XKR4: variants seen among roughly 807,000 people sequenced by gnomAD.
XKR4 encodes the protein XK-related protein 4.
In XKR4, 12 loss-of-function variants were observed where a neutral mutation model predicts 53.9. The ratio of observed to expected loss-of-function variants is 0.22; its 90% CI spans 0.14 to 0.36. The LOEUF is 0.36. XKR4 is among the 10% of genes least tolerant of loss of function. The pLI is 1.00. For missense variants in XKR4, 799 were observed against 859.5 expected (o/e 0.93, Z 0.88); for synonymous variants, 354 against 362.4 (o/e 0.98, Z 0.26).
chr8:55,392,917 G>T (rs929312639), intron 2 of XKR4, among the ~76,000 whole-genome samples: 1 of 152,124 alleles, frequency 6.6e-6, no homozygotes, highest in African/African-American at 2.4e-5. Context: ...GCAATTAAAA[G>T]TTAAGAAGTA....
At chr8:55,342,408 G>C (rs1246657439) in intron 1 of XKR4, among the ~76,000 whole-genome samples, 1 of 152,122 alleles carries the variant, frequency 6.6e-6, no homozygotes, top group Non-Finnish European at 1.5e-5. Context: ...CAGCACAGCT[G>C]CTGGAAGTCC....
intron 1 of XKR4, among the ~76,000 whole-genome samples, chr8:55,151,987 T>C (rs1816846352): frequency 6.6e-6 from 1 of 152,172 alleles, no homozygotes; most frequent in African/African-American, 2.4e-5. Context: ...TTCCTAGAAA[T>C]GTAATTGCTG....
chr8:55,376,975 C>CACACAG (rs1554521135), intron 2 of XKR4, among the ~76,000 whole-genome samples: 2 of 151,290 alleles, frequency 1.3e-5, no homozygotes, highest in Non-Finnish European at 2.9e-5. Context: ...CACACACACA[C>CACACAG]AGAGAGAGAG....
intron 2 of XKR4, among the ~76,000 whole-genome samples, chr8:55,430,893 G>A (rs1438026532): frequency 2.6e-5 from 4 of 152,168 alleles, no homozygotes; most frequent in Non-Finnish European, 4.4e-5. Context: ...TAAAGCCTCA[G>A]GCTTCAAATA....
At chr8:55,242,338 C>G (rs1437132920) in intron 1 of XKR4, among the ~76,000 whole-genome samples, 1 of 152,134 alleles carries the variant, frequency 6.6e-6, no homozygotes, top group African/African-American at 2.4e-5. Context: ...CTGGTGGGAA[C>G]CCGTCTACAG....
Position 55,116,172 on chromosome 8 carries a change from A to G in XKR4, c.806+12878A>G, listed in dbSNP as rs145227392. On this transcript the variant is annotated intron_variant, in intron 1 of 2. Transcript: ENST00000327381. ...TGTGTATGCTGGCTGGATGGAAGGGATAGTGGAGAGCGAGGCTGGGTTTCT... is the reference window on the plus strand; with the variant it reads ...TGTGTATGCTGGCTGGATGGAAGGGGTAGTGGAGAGCGAGGCTGGGTTTCT... 2.6e-5 allele frequency among the ~76,000 whole-genome samples: 4 copies of G among 152,224 alleles called. No homozygotes were observed. In the East Asian group the frequency reaches 7.7e-4, roughly 29 times the overall value.
rs1307215929 is a variant in XKR4, at chr8:55,102,155, C to CGGCGGCGGCTCG, written c.-327_-316dup. Among the ~76,000 whole-genome samples the CGGCGGCGGCTCG allele has an allele frequency of 2.0e-5, 3 of 148,150 alleles. No individual in the cohort carries two copies. The highest frequency in any genetic ancestry group is 3.0e-5 in the Non-Finnish European group (2 of 66,998). On this transcript the variant is annotated 5_prime_UTR_variant, in exon 1 of 3. Transcript: ENST00000327381. This position sits in a 1 kb window ranked among gnomAD's most constrained non-coding sequence, Gnocchi z 5.1. ...CCGCTGCTGCTCCTGCTGCTGGCGG[C>CGGCGGCGGCTCG]GGCGGCGGCTCGGGCGGCAGCAGCG... is the stretch of plus-strand genomic sequence containing the variant.
chr8:55,215,376 A>G (rs1057061014), intron 1 of XKR4, among the ~76,000 whole-genome samples: 2 of 152,224 alleles, frequency 1.3e-5, no homozygotes, highest in African/African-American at 4.8e-5. Flanking sequence ...GAATAGAAAA[A>G]AGACAGCACA....
At chr8:55,346,162 T>C (rs1036627374) in intron 1 of XKR4, among the ~76,000 whole-genome samples, 8 of 151,560 alleles carry the variant, frequency 5.3e-5, no homozygotes, top group African/African-American at 1.9e-4. Context: ...CTTGGCTCAC[T>C]GCAACCTCCA....
intron 1 of XKR4, among the ~76,000 whole-genome samples, chr8:55,246,220 T>C (rs991231867): frequency 2.0e-5 from 3 of 152,114 alleles, no homozygotes; most frequent in Non-Finnish European, 2.9e-5. Context: ...ATTGAAGAAA[T>C]CACAAGGGTC....
chr8:55,191,628 C>T (rs1218160896), intron 1 of XKR4, among the ~76,000 whole-genome samples: 1 of 151,668 alleles, frequency 6.6e-6, no homozygotes, highest in Admixed American at 6.6e-5. Flanking sequence ...TAGACTAGGA[C>T]ACGCTTCCAT....
intron 1 of XKR4, among the ~76,000 whole-genome samples, chr8:55,249,209 G>A (rs1818332868): frequency 6.6e-6 from 1 of 152,146 alleles, no homozygotes; most frequent in Non-Finnish European, 1.5e-5. Flanking sequence ...TCAAGGACAC[G>A]AATATAAACA....
chr8:55,452,932 C>T (rs1805477145), intron 2 of XKR4: 1 of 788,450 alleles, frequency 1.3e-6, no homozygotes, highest in Non-Finnish European at 2.3e-6. Context: ...ACTGTGCTCT[C>T]CTCCTTCTGC....
intron 2 of XKR4, among the ~76,000 whole-genome samples, chr8:55,473,092 A>ACT (rs781183874): frequency 1.6e-4 from 25 of 151,810 alleles, no homozygotes; most frequent in Non-Finnish European, 3.5e-4. Context: ...TCTAGAATCC[A>ACT]CTCTCTCCTC....
intron 1 of XKR4, among the ~76,000 whole-genome samples, chr8:55,175,523 C>T (rs1443338845): frequency 1.3e-5 from 2 of 152,184 alleles, no homozygotes; most frequent in Non-Finnish European, 2.9e-5. Flanking sequence ...TATGCTTGGT[C>T]ATTCAGTGAC....
At chr8:55,352,415 T>C (rs555612901) in intron 1 of XKR4, among the ~76,000 whole-genome samples, 15 of 152,322 alleles carry the variant, frequency 9.8e-5, no homozygotes, top group African/African-American at 2.4e-4. Context: ...AGGTTAAAAC[T>C]AAAAGTTTTA....
rs1807062785 is a variant in XKR4 at position 55,538,593 on chromosome 8, T to C, written c.*14366T>C. 1 of 152,210 alleles carries C rather than the reference T, an allele frequency of 6.6e-6. No individual in the cohort carries two copies. Among genetic ancestry groups the C allele is most frequent in the Admixed American group, 6.5e-5 (1 of 15,282 alleles). The allele number at this position is 152,210 out of a possible 1,614,324, so 9.4% of individuals were successfully genotyped here. On this transcript the variant is annotated 3_prime_UTR_variant, in exon 3 of 3. Transcript: ENST00000327381. ...AGATGCTTTATATAAGTTGGCAATT[T>C]TCCTGTTAACCAAACTGAATTTTAT...
At position 55,523,673 on chromosome 8, in the gene XKR4, G is replaced by A; in HGVS notation, c.1399G>A (p.Glu467Lys). 6.2e-7 allele frequency: 1 copy of A among 1,614,170 alleles called. No homozygotes were observed. Among genetic ancestry groups the A allele is most frequent in the Non-Finnish European group, 8.5e-7 (1 of 1,180,026 alleles). ...CATTTACTATTTTGTGATCCTTTTG[G>A]AAAATACAGCCTTGAGTGCCCTCTG... ...LFIYYFVILL[E>K]NTALSALWYL... is the part of the protein sequence containing the mutation. Residue 467 changes from glutamate (E) to lysine (K), a missense_variant, in exon 3 of 3, where the codon GAA (glutamate) becomes AAA (lysine). Physicochemically the swap from Glu to Lys is moderately conservative, Grantham distance 56. Coordinates refer to ENST00000327381, the MANE Select transcript of XKR4 (RefSeq NM_052898.2).
Position 55,171,138 on chromosome 8 carries a change from G to A in XKR4, c.806+67844G>A, listed in dbSNP as rs145956282. Among the ~76,000 whole-genome samples, 523 of 152,260 alleles carry A rather than the reference G, an allele frequency of 3.4e-3. 3 individuals carry two copies. The highest frequency in any genetic ancestry group is 0.012 in the African/African-American group (486 of 41,546). ...AATACTTACACATACACACTGTACC[G>A]TGAAGAAGAGCTCAGGAAATAGTGA... On this transcript the variant is annotated intron_variant, in intron 1 of 2. Coordinates refer to ENST00000327381, the MANE Select transcript of XKR4 (RefSeq NM_052898.2).
Sources: gnomAD v4.1 joint callset for allele counts (sites outside exome capture counted in the v4.1 genomes callset) on GRCh38, gnomAD v4.1.1 for gene constraint, Gnocchi (gnomAD v3.1) non-coding constraint, MANE v1.5 for transcripts, NCBI Gene and HGNC (gene_info 2026-07-23, HGNC 2026-07-21) for gene names.